XBP1: variants seen among roughly 807,000 people sequenced by gnomAD.
XBP1 encodes X-box-binding protein 1.
Under a neutral mutation model 34.6 loss-of-function variants are expected in XBP1, and 18 were observed. The ratio of observed to expected loss-of-function variants is 0.52; its 90% CI spans 0.36 to 0.77. The LOEUF (loss-of-function observed/expected upper bound fraction) is 0.77, where lower values mean the gene tolerates loss of function less well. XBP1 is among the 30% of genes least tolerant of loss of function. The pLI, the probability that XBP1 is intolerant of heterozygous loss-of-function variation, is 0.00. For missense variants in XBP1, 422 were observed against 464.6 expected, an observed-to-expected ratio of 0.91 and a Z score of 0.84; for synonymous variants, 191 against 193.4, an observed-to-expected ratio of 0.99 and a Z score of 0.11.
chr22:28,795,334 G>A (rs1274238235), exon 6 of XBP1: 2 of 1,551,948 alleles, frequency 1.3e-6, no homozygotes, highest in African/African-American at 1.4e-5. Context: ...GCTTTGGGCA[G>A]TGGCTGGATG....
intron 1 of XBP1, among the ~76,000 whole-genome samples, chr22:28,799,704 C>A (rs1017963028): frequency 3.3e-5 from 5 of 152,094 alleles, no homozygotes; most frequent in African/African-American, 1.2e-4. Flanking sequence ...AGAATTAACT[C>A]AGAAGAGACA....
At chr22:28,797,263 A>G in intron 2 of XBP1, 58 bp from the exon 3 acceptor site, 1 of 1,568,686 alleles carries the variant, frequency 6.4e-7, no homozygotes, top group Non-Finnish European at 8.7e-7. Flanking sequence ...TTAAGAATCT[A>G]CCTGATTCAG....
chr22:28,796,016 T>A, intron 5 of XBP1, 31 bp downstream of exon 5: 1 of 1,613,386 alleles, frequency 6.2e-7, no homozygotes, highest in Non-Finnish European at 8.5e-7. Context: ...ACTGGTTATA[T>A]AGCTCTTTAA....
chr22:28,796,712 T>C lies in XBP1; in HGVS notation c.453+365A>G, dbSNP rs539764814. 8.7e-4 allele frequency: 156 copies of C among 178,790 alleles called. No homozygotes were observed. In the South Asian group the frequency reaches 0.011, roughly 13 times the overall value. 11.1% of individuals were successfully genotyped at this position (178,790 alleles called of 1,614,324 possible). ...AGAATCCTTTCCCTACTCATTCATA[T>C]TCATCAAAGAACTACTTTAATTTTA... is the stretch of plus-strand genomic sequence containing the variant. On this transcript the variant is annotated intron_variant, in intron 3 of 5. Transcript: ENST00000344347.
intron 1 of XBP1, among the ~76,000 whole-genome samples, chr22:28,799,568 C>G (rs542250952): frequency 6.6e-6 from 1 of 152,246 alleles, no homozygotes; most frequent in Non-Finnish European, 1.5e-5. Context: ...CATCAACCCT[C>G]CGTCCCCCAG....
At chr22:28,799,804 C>G (rs1004219892) in intron 1 of XBP1, among the ~76,000 whole-genome samples, 1 of 152,214 alleles carries the variant, frequency 6.6e-6, no homozygotes, top group Non-Finnish European at 1.5e-5. Flanking sequence ...AAGTCTCAAT[C>G]TCCCCAAAGA....
At position 28,800,281 on chromosome 22, in the gene XBP1, C is replaced by T; in HGVS notation, c.227+17G>A. 2 of 1,549,924 alleles carry T rather than the reference C, an allele frequency of 1.3e-6. No individual in the cohort carries two copies. Among genetic ancestry groups the T allele is most frequent in the Non-Finnish European group, 1.7e-6 (2 of 1,147,992 alleles). ...CCCGGCTTCAGATCTGGCCCCAGAC[C>T]CCGGCCCCTCGCCCACCTCCTCAGC... is the stretch of plus-strand genomic sequence containing the variant. On this transcript the variant is annotated intron_variant, in intron 1 of 5. Coordinates refer to ENST00000344347, the Ensembl canonical transcript of XBP1.
chr22:28,799,860 A>T, intron 1 of XBP1: 1 of 681,162 alleles, frequency 1.5e-6, no homozygotes. Context: ...ACTGAGCTAG[A>T]CCAGTGAGCC....
Position 28,800,227 on chromosome 22 carries a change from C to T in XBP1, c.227+71G>A. 4 of 1,510,280 alleles carry T rather than the reference C, an allele frequency of 2.6e-6. No homozygotes were observed. The South Asian group carries it at 4.8e-5, about 18-fold the overall frequency. 93.6% of individuals were successfully genotyped at this position (1,510,280 alleles called of 1,614,324 possible). A position where few individuals can be genotyped will look rare whatever the true frequency, so the allele number is the denominator to read the frequency against. On this transcript the variant is annotated intron_variant, in intron 1 of 5. Coordinates refer to ENST00000344347, the Ensembl canonical transcript of XBP1. ...GCGGCCAGTGCTGGGTCCCCGCTCC[C>T]AGCCCCTGCCCCTGCCCCTGTCCCT...
chr22:28,795,914 G>T, intron 5 of XBP1, 133 bp downstream of exon 5: 1 of 1,291,982 alleles, frequency 7.7e-7, no homozygotes, highest in Non-Finnish European at 1.1e-6. Flanking sequence ...GAACTAGGAA[G>T]GTAGTTGATG....
At chr22:28,795,580 C>T (rs1464911516) in exon 6 of XBP1, 6 of 1,614,024 alleles carry the variant, frequency 3.7e-6, no homozygotes, top group Non-Finnish European at 5.1e-6. Context: ...TGGCTGATGA[C>T]GTCCCCACTG....
At chr22:28,797,580 A>G (rs1162998679) in intron 2 of XBP1, among the ~76,000 whole-genome samples, 2 of 152,140 alleles carry the variant, frequency 1.3e-5, no homozygotes, top group Non-Finnish European at 2.9e-5. Flanking sequence ...CAAGAGTTCA[A>G]AACCAGCCTG....
chr22:28,800,501 C>T (rs1338241784), exon 1 of XBP1: 3 of 1,487,424 alleles, frequency 2.0e-6, no homozygotes, highest in African/African-American at 2.9e-5. Context: ...CGGCCGGGTT[C>T]GGCGCGGCTG....
intron 5 of XBP1, 143 bp downstream of exon 5, chr22:28,795,904 G>C (rs2031741902): frequency 8.7e-6 from 11 of 1,270,298 alleles, no homozygotes; most frequent in African/African-American, 1.5e-5. Flanking sequence ...ATATTACCTG[G>C]AACTAGGAAG....
chr22:28,800,367 C>G (rs778850008), exon 1 of XBP1: 2 of 1,541,580 alleles, frequency 1.3e-6, no homozygotes, highest in East Asian at 2.6e-5. Context: ...GGGCAGCCCC[C>G]CGCTCGCTGC....
Position 28,800,278 on chromosome 22 carries a change from G to C in XBP1, c.227+20C>G. 6.5e-7 allele frequency: 1 copy of C among 1,549,252 alleles called. No individual in the cohort carries two copies. The highest frequency in any genetic ancestry group is 8.7e-7 in the Non-Finnish European group (1 of 1,147,552). On this transcript the variant is annotated intron_variant, in intron 1 of 5. Coordinates refer to ENST00000344347, the Ensembl canonical transcript of XBP1. ...AGTCCCGGCTTCAGATCTGGCCCCA[G>C]ACCCCGGCCCCTCGCCCACCTCCTC...
At chr22:28,795,024 G>A (rs1316790370), downstream of XBP1, 3 of 626,140 alleles carry the variant, frequency 4.8e-6, no homozygotes, top group Non-Finnish European at 7.5e-6. Context: ...CAATACCTGG[G>A]GGTCATCTAT....
rs573470992 is a variant in XBP1, at chr22:28,796,911, A to G, written c.453+166T>C. 61 of 749,642 alleles carry G rather than the reference A, an allele frequency of 8.1e-5. No individual in the cohort carries two copies. The Admixed American group carries it at 1.2e-3, about 15-fold the overall frequency. 46.4% of individuals were successfully genotyped at this position (749,642 alleles called of 1,614,324 possible). On this transcript the variant is annotated intron_variant, in intron 3 of 5. Coordinates refer to ENST00000344347, the Ensembl canonical transcript of XBP1. ...CTACACACTTAAAAAATGAGTGTCA[A>G]GTGCCTTTAGGGGAAGAACACTCTG...
intron 2 of XBP1, among the ~76,000 whole-genome samples, chr22:28,798,497 T>G (rs1432604355): frequency 6.6e-6 from 1 of 151,790 alleles, no homozygotes; most frequent in East Asian, 1.9e-4. Flanking sequence ...TTAATAGAGA[T>G]GGGGTTTCAC....
Sources: gnomAD v4.1 joint callset for allele counts (sites outside exome capture counted in the v4.1 genomes callset) on GRCh38, gnomAD v4.1.1 for gene constraint, MANE v1.5 for transcripts, NCBI Gene and HGNC (gene_info 2026-07-23, HGNC 2026-07-21) for gene names.